The following PKIG variants were observed in gnomAD, a reference collection of about 807,000 sequenced individuals.
The protein encoded by PKIG is protein kinase (cAMP-dependent, catalytic) inhibitor gamma.
In PKIG, 1 loss-of-function variant was observed where a neutral mutation model predicts 6.8. That is an observed-to-expected ratio of 0.15 (90% CI 0.05 to 0.69). The LOEUF is 0.69. Ranked by LOEUF, PKIG falls within the 30% of genes least tolerant of loss-of-function variation. The pLI is 0.82. For synonymous variants in PKIG, 39 were observed against 43.0 expected (o/e 0.91, Z 0.36); for missense variants, 77 against 104.0 (o/e 0.74, Z 1.13).
chr20:44,558,984 C>T (rs1158674979), intron 1 of PKIG, among the ~76,000 whole-genome samples: 1 of 152,124 alleles, frequency 6.6e-6, no homozygotes, highest in Non-Finnish European at 1.5e-5. Flanking sequence ...TATCACTTAT[C>T]ACCTAAAGAA....
rs779957552 is a variant in PKIG, at chr20:44,618,373, T to A, written c.*9T>A. On this transcript the variant is annotated 3_prime_UTR_variant, in exon 4 of 4. Transcript: ENST00000372886. ...GGACCACCTCGTCTTGAATCTGACC[T>A]TGTCCAAGAAGGCTGGACGAGAGAC... 23 of 1,596,950 alleles carry A rather than the reference T, an allele frequency of 1.4e-5. No homozygotes were observed. The highest frequency in any genetic ancestry group is 1.8e-5 in the Non-Finnish European group (21 of 1,164,542).
intron 2 of PKIG, among the ~76,000 whole-genome samples, chr20:44,591,872 A>G (rs2065036449): frequency 6.6e-6 from 1 of 152,156 alleles, no homozygotes; most frequent in Non-Finnish European, 1.5e-5. Flanking sequence ...AGCGCACATT[A>G]AGTGCATCCT....
intron 1 of PKIG, among the ~76,000 whole-genome samples, chr20:44,548,331 C>T (rs901338017): frequency 1.3e-5 from 2 of 152,078 alleles, no homozygotes; most frequent in South Asian, 2.1e-4. Flanking sequence ...GAGGTTTTTT[C>T]GGGAGTCAAG....
chr20:44,548,128 G>A (rs1219553257), intron 1 of PKIG, among the ~76,000 whole-genome samples: 4 of 152,032 alleles, frequency 2.6e-5, no homozygotes, highest in African/African-American at 9.7e-5. Context: ...GCAGTGAGCC[G>A]AGATCGCACA....
chr20:44,618,542 C>T lies in PKIG; in HGVS notation c.*178C>T. On this transcript the variant is annotated 3_prime_UTR_variant, in exon 4 of 4. Coordinates refer to ENST00000372886, the MANE Select transcript of PKIG (RefSeq NM_001281445.2). ...CCACTCCGGGAAAGCCCTCTGCCCACACCCACAGGCTTCACATTCCCACCA... is the reference window on the plus strand; with the variant it reads ...CCACTCCGGGAAAGCCCTCTGCCCATACCCACAGGCTTCACATTCCCACCA... The T allele has an allele frequency of 3.5e-6, 2 of 571,496 alleles. No homozygotes were observed. Among genetic ancestry groups the T allele is most frequent in the Non-Finnish European group, 6.3e-6 (2 of 317,474 alleles). 35.4% of individuals were successfully genotyped at this position (571,496 alleles called of 1,614,324 possible). A position where few individuals can be genotyped will look rare whatever the true frequency, so the allele number is the denominator to read the frequency against.
intron 1 of PKIG, among the ~76,000 whole-genome samples, chr20:44,587,124 A>G (rs537216654): frequency 6.6e-6 from 1 of 152,236 alleles, no homozygotes; most frequent in East Asian, 1.9e-4. Context: ...ACTGAACTAG[A>G]GGACCAGGGT....
chr20:44,593,694 A>G (rs1392615052), intron 2 of PKIG, among the ~76,000 whole-genome samples: 1 of 152,226 alleles, frequency 6.6e-6, no homozygotes, highest in East Asian at 1.9e-4. Context: ...ACAGCATGGT[A>G]ATTACAGTTA....
At chr20:44,600,889 C>T (rs905768346) in intron 2 of PKIG, among the ~76,000 whole-genome samples, 22 of 152,052 alleles carry the variant, frequency 1.4e-4, no homozygotes, top group Admixed American at 7.2e-4. Context: ...CCAAATGACA[C>T]GCTCAATAGG....
intron 2 of PKIG, among the ~76,000 whole-genome samples, chr20:44,606,065 C>T (rs1405653563): frequency 6.6e-6 from 1 of 151,662 alleles, no homozygotes; most frequent in Non-Finnish European, 1.5e-5. Flanking sequence ...GGAGAAGTGC[C>T]GAAAAATAAA....
At chr20:44,574,562 TTTTTTGTTTTTGTTTTTG>T (rs60335742) in intron 1 of PKIG, among the ~76,000 whole-genome samples, 48 of 151,454 alleles carry the variant, frequency 3.2e-4, no homozygotes, top group Middle Eastern at 3.2e-3. Context: ...TCAGCATGTT[TTTTTTGTTTTTGTTTTTG>T]TTTTTGTTTT....
At chr20:44,565,340 T>C (rs1369623947) in intron 1 of PKIG, among the ~76,000 whole-genome samples, 1 of 152,248 alleles carries the variant, frequency 6.6e-6, no homozygotes, top group Non-Finnish European at 1.5e-5. Flanking sequence ...AGAAGTGTTA[T>C]TGGGGGCATG....
rs983858043 is a variant in PKIG, at chr20:44,582,778, A to G, written c.-94+47A>G. The G allele has an allele frequency of 2.0e-5, 3 of 152,330 alleles. 1 individual carries two copies. The highest frequency in any genetic ancestry group is 4.4e-5 in the Non-Finnish European group (3 of 68,048). The allele number at this position is 152,330 out of a possible 1,614,324, so 9.4% of individuals were successfully genotyped here. On this transcript the variant is annotated intron_variant, in intron 1 of 3. Coordinates refer to ENST00000372886, the MANE Select transcript of PKIG (RefSeq NM_001281445.2). ...TCCCCTGCCCAACACCCCCAGGGAGAAGCAGAGCTTGGAGGCAGAGCTCTC... is the reference window on the plus strand; with the variant it reads ...TCCCCTGCCCAACACCCCCAGGGAGGAGCAGAGCTTGGAGGCAGAGCTCTC...
intron 2 of PKIG, among the ~76,000 whole-genome samples, chr20:44,599,326 C>A (rs149097096): frequency 6.6e-6 from 1 of 152,226 alleles, no homozygotes; most frequent in African/African-American, 2.4e-5. Flanking sequence ...TGAGTTTCAG[C>A]TGCCTCTTTT....
intron 2 of PKIG, among the ~76,000 whole-genome samples, chr20:44,596,858 A>G (rs2065079598): frequency 1.3e-5 from 2 of 152,198 alleles, no homozygotes; most frequent in African/African-American, 2.4e-5. Context: ...TAAGGGTAAA[A>G]TCAAAGTCAG....
At chr20:44,542,180 A>G (rs2064567886) in intron 1 of PKIG, among the ~76,000 whole-genome samples, 1 of 152,196 alleles carries the variant, frequency 6.6e-6, no homozygotes, top group Non-Finnish European at 1.5e-5. Flanking sequence ...GAGTTGTATG[A>G]TGAGAAGAAC....
intron 1 of PKIG, among the ~76,000 whole-genome samples, chr20:44,546,167 T>C (rs1321275990): frequency 6.6e-6 from 1 of 152,076 alleles, no homozygotes; most frequent in Non-Finnish European, 1.5e-5. Flanking sequence ...GAGAATCACC[T>C]GAGCCCAGGG....
intron 1 of PKIG, among the ~76,000 whole-genome samples, chr20:44,550,026 C>G (rs11086929): frequency 0.074 from 11,183 of 150,878 alleles, 555 homozygotes; most frequent in African/African-American, 0.14. Flanking sequence ...TCTGAAGGAC[C>G]TGGGGGAATT....
intron 2 of PKIG, among the ~76,000 whole-genome samples, chr20:44,596,433 G>C (rs960251756): frequency 6.6e-6 from 1 of 152,210 alleles, no homozygotes; most frequent in Non-Finnish European, 1.5e-5. Context: ...GGAGGTGTGG[G>C]GGGAGGGCTG....
upstream of PKIG, among the ~76,000 whole-genome samples, chr20:44,582,127 C>G (rs6073490): frequency 6.6e-6 from 1 of 152,100 alleles, no homozygotes; most frequent in Non-Finnish European, 1.5e-5. Flanking sequence ...CAGCATGTAC[C>G]TAGGAGACCT....
Sources: allele counts gnomAD v4.1 joint callset (sites outside exome capture counted in the v4.1 genomes callset), GRCh38; gene constraint gnomAD v4.1.1; transcripts MANE v1.5; gene names NCBI Gene and HGNC (gene_info 2026-07-23, HGNC 2026-07-21).